The following OSBPL6 variants were observed in gnomAD, a reference collection of about 807,000 sequenced individuals.
OSBPL6 encodes oxysterol-binding protein-related protein 6.
OSBPL6 carries 49 observed loss-of-function variants against 125.8 expected under a neutral mutation model. The observed-to-expected ratio is 0.39, with a 90% CI of 0.31 to 0.49. OSBPL6 has a LOEUF of 0.49. Ranked by LOEUF, OSBPL6 falls within the 20% of genes least tolerant of loss-of-function variation. The pLI is 0.88. For missense variants in OSBPL6, 986 were observed against 1,135.4 expected (o/e 0.87, Z 1.89); for synonymous variants, 394 against 391.8 (o/e 1.01, Z -0.07).
At chr2:178,315,578 C>G (rs1415492530) in intron 3 of OSBPL6, among the ~76,000 whole-genome samples, 1 of 152,186 alleles carries the variant, frequency 6.6e-6, no homozygotes, top group Non-Finnish European at 1.5e-5. Flanking sequence ...CCTGCCAAAG[C>G]CTTTCAGCTC....
At chr2:178,284,810 T>A (rs1474458445) in intron 1 of OSBPL6, 117 bp from the exon 2 acceptor site, 2 of 380,284 alleles carry the variant, frequency 5.3e-6, no homozygotes, top group Middle Eastern at 6.6e-4. Flanking sequence ...CCATATGAAC[T>A]TCCTGTTCAA....
chr2:178,379,352 G>T (rs1158539890), intron 15 of OSBPL6, among the ~76,000 whole-genome samples: 1 of 127,644 alleles, frequency 7.8e-6, no homozygotes, highest in African/African-American at 2.8e-5. Flanking sequence ...GGGAGGGAGG[G>T]AGGGGAAGGA....
At chr2:178,297,180 T>C (rs550541110) in intron 2 of OSBPL6, among the ~76,000 whole-genome samples, 206 of 152,160 alleles carry the variant, frequency 1.4e-3, no homozygotes, top group Non-Finnish European at 1.3e-3. Context: ...AACTGAGAGA[T>C]TTTATCTTGG....
At chr2:178,238,917 C>T (rs1185728628) in intron 1 of OSBPL6, among the ~76,000 whole-genome samples, 1 of 152,192 alleles carries the variant, frequency 6.6e-6, no homozygotes, top group East Asian at 1.9e-4. Flanking sequence ...CCTCTCCCGC[C>T]TGTTAACAGT....
chr2:178,260,986 TCCAGGTGTGATG>T (rs2092039981), intron 1 of OSBPL6, among the ~76,000 whole-genome samples: 1 of 151,832 alleles, frequency 6.6e-6, no homozygotes, highest in South Asian at 2.1e-4. Flanking sequence ...ACAAAAATTA[TCCAGGTGTGATG>T]GCAGGCGCCT....
At chr2:178,225,224 T>G (rs2090504915) in intron 1 of OSBPL6, among the ~76,000 whole-genome samples, 1 of 149,132 alleles carries the variant, frequency 6.7e-6, no homozygotes, top group Admixed American at 6.7e-5. Context: ...GAACCCTTGG[T>G]CAGGTGCCCA....
chr2:178,299,342 T>C (rs1194073871), intron 2 of OSBPL6, among the ~76,000 whole-genome samples: 2 of 152,216 alleles, frequency 1.3e-5, no homozygotes, highest in African/African-American at 4.8e-5. Context: ...TAGACTAGTT[T>C]CTAGAATTCT....
chr2:178,334,429 A>G (rs560073447), intron 8 of OSBPL6, among the ~76,000 whole-genome samples: 63 of 152,362 alleles, frequency 4.1e-4, no homozygotes, highest in African/African-American at 1.2e-3. Flanking sequence ...AAACATTACT[A>G]TATTCAGTTT....
At chr2:178,228,103 T>C (rs181317171) in intron 1 of OSBPL6, among the ~76,000 whole-genome samples, 1 of 152,274 alleles carries the variant, frequency 6.6e-6, no homozygotes, top group East Asian at 1.9e-4. Context: ...AATTATACAT[T>C]TTGCATAAGA....
chr2:178,210,457 A>G (rs1044323081), intron 1 of OSBPL6, among the ~76,000 whole-genome samples: 2 of 152,070 alleles, frequency 1.3e-5, no homozygotes, highest in Admixed American at 6.5e-5. Context: ...GGGTTTGGAT[A>G]TCAATTTAGG....
Position 178,394,705 on chromosome 2 carries a change from A to G in OSBPL6, c.2696+270A>G, listed in dbSNP as rs532986499. On this transcript the variant is annotated intron_variant, in intron 24 of 24. Transcript: ENST00000190611. ...TTGTCCTTCAGCTGCACTCTTTAGA[A>G]TGGTGGAAACTGGTTCCCACTCCCT... Among the ~76,000 whole-genome samples, 8 of 152,290 alleles carry G rather than the reference A, an allele frequency of 5.3e-5. No homozygotes were observed. In the South Asian group the frequency reaches 1.7e-3, roughly 32 times the overall value.
At chr2:178,253,256 A>G (rs1267214772) in intron 1 of OSBPL6, among the ~76,000 whole-genome samples, 1 of 152,164 alleles carries the variant, frequency 6.6e-6, no homozygotes, top group East Asian at 1.9e-4. Context: ...TCCTGACCTC[A>G]GGCAATCACC....
chr2:178,231,308 C>T (rs2090807075), intron 1 of OSBPL6, among the ~76,000 whole-genome samples: 1 of 152,118 alleles, frequency 6.6e-6, no homozygotes, highest in Non-Finnish European at 1.5e-5. Context: ...CTTGGCCAGG[C>T]CACCTTGTCT....
chr2:178,343,867 C>T (rs1690455124), intron 11 of OSBPL6, among the ~76,000 whole-genome samples: 2 of 152,176 alleles, frequency 1.3e-5, no homozygotes, highest in Admixed American at 6.5e-5. Context: ...GCTCTCATTA[C>T]AACCTGTTCA....
intron 1 of OSBPL6, among the ~76,000 whole-genome samples, chr2:178,267,440 C>T (rs2092270557): frequency 6.6e-6 from 1 of 151,622 alleles, no homozygotes; most frequent in African/African-American, 2.4e-5. Context: ...ACCTTCCCCA[C>T]TTCACTTCTC....
intron 1 of OSBPL6, among the ~76,000 whole-genome samples, chr2:178,258,688 C>T (rs751041969): frequency 6.6e-6 from 1 of 151,968 alleles, no homozygotes; most frequent in Non-Finnish European, 1.5e-5. Context: ...ATAGTTCTGT[C>T]TCTCCAAAAA....
At chr2:178,236,323 G>A (rs1426777397) in intron 1 of OSBPL6, among the ~76,000 whole-genome samples, 1 of 152,156 alleles carries the variant, frequency 6.6e-6, no homozygotes, top group Non-Finnish European at 1.5e-5. Context: ...AGCTAATTTT[G>A]CCTTGGATGT....
intron 4 of OSBPL6, among the ~76,000 whole-genome samples, chr2:178,326,108 G>GA (rs1165411386): frequency 8.6e-6 from 1 of 115,884 alleles, no homozygotes; most frequent in Non-Finnish European, 1.9e-5. Context: ...AGTGGTGGAA[G>GA]AATTTTTTTT....
At chr2:178,352,767 A>T (rs180907325) in intron 12 of OSBPL6, among the ~76,000 whole-genome samples, 1 of 152,318 alleles carries the variant, frequency 6.6e-6, no homozygotes, top group Non-Finnish European at 1.5e-5. Context: ...GAGCTTTGAG[A>T]ACGGACAGAA....
Sources: allele counts gnomAD v4.1 joint callset (sites outside exome capture counted in the v4.1 genomes callset), GRCh38; gene constraint gnomAD v4.1.1; transcripts MANE v1.5; gene names NCBI Gene and HGNC (gene_info 2026-07-23, HGNC 2026-07-21).